The following ZCCHC7 variants were observed in gnomAD, a reference collection of about 807,000 sequenced individuals.
The protein encoded by ZCCHC7 is zinc finger CCHC-type containing 7, also known as zinc finger CCHC domain-containing protein 7.
A neutral mutation model predicts 52.0 loss-of-function variants in ZCCHC7; 35 were observed. The ratio of observed to expected loss-of-function variants is 0.67; its 90% CI spans 0.51 to 0.89. ZCCHC7 has a LOEUF of 0.89. Among genes scored for constraint, ZCCHC7 ranks in the 40% least tolerant of loss-of-function variants. The pLI, the probability that ZCCHC7 is intolerant of heterozygous loss-of-function variation, is 0.00. For synonymous variants in ZCCHC7, 217 were observed against 221.5 expected (o/e 0.98, Z 0.18); for missense variants, 574 against 649.1 (o/e 0.88, Z 1.26).
chr9:37,265,155 A>C (rs1304589737), intron 2 of ZCCHC7, among the ~76,000 whole-genome samples: 1 of 152,228 alleles, frequency 6.6e-6, no homozygotes, highest in East Asian at 1.9e-4. Context: ...ATCTTTCAGC[A>C]GACAGGATCA....
chr9:37,287,712 T>C (rs1402039429), intron 2 of ZCCHC7, among the ~76,000 whole-genome samples: 2 of 152,202 alleles, frequency 1.3e-5, no homozygotes, highest in African/African-American at 2.4e-5. Context: ...TTGCATTTTA[T>C]GTAGCTAGTC....
intron 2 of ZCCHC7, among the ~76,000 whole-genome samples, chr9:37,217,786 G>A (rs185075662): frequency 3.5e-4 from 54 of 152,248 alleles, no homozygotes; most frequent in African/African-American, 1.3e-3. Context: ...TAGAGAAAAT[G>A]TCAGAGATTG....
intron 2 of ZCCHC7, among the ~76,000 whole-genome samples, chr9:37,162,356 A>C (rs1821153170): frequency 6.6e-6 from 1 of 152,154 alleles, no homozygotes; most frequent in African/African-American, 2.4e-5. Context: ...AAATCTCCAG[A>C]AGTCCCTCAT....
chr9:37,203,765 CAT>C (rs994956948), intron 2 of ZCCHC7, among the ~76,000 whole-genome samples: 5 of 152,100 alleles, frequency 3.3e-5, no homozygotes, highest in African/African-American at 9.7e-5. Flanking sequence ...TTGCAGTAAA[CAT>C]ATGTGTGCCT....
chr9:37,140,118 A>G (rs1366091589), intron 2 of ZCCHC7, among the ~76,000 whole-genome samples: 2 of 151,986 alleles, frequency 1.3e-5, no homozygotes, highest in African/African-American at 4.8e-5. Flanking sequence ...TGCAACCACA[A>G]TCAATCCTGT....
intron 1 of ZCCHC7, among the ~76,000 whole-genome samples, chr9:37,123,756 T>C (rs1052911233): frequency 6.6e-6 from 1 of 152,242 alleles, no homozygotes; most frequent in East Asian, 1.9e-4. Context: ...TGACTTCTTT[T>C]AGAATTAATT....
At chr9:37,170,149 C>T (rs749958753) in intron 2 of ZCCHC7, among the ~76,000 whole-genome samples, 14 of 151,976 alleles carry the variant, frequency 9.2e-5, no homozygotes, top group Admixed American at 3.3e-4. Flanking sequence ...AGTGTCCTTA[C>T]TTTTAAAATA....
rs183046470 is a variant in ZCCHC7 at position 37,158,672 on chromosome 9, T to A, written c.610+31730T>A. Among the ~76,000 whole-genome samples, 99 of 152,252 alleles carry A rather than the reference T, an allele frequency of 6.5e-4. 2 individuals are homozygous for A. Among genetic ancestry groups the A allele is most frequent in the Admixed American group, 6.1e-3 (94 of 15,300 alleles). On this transcript the variant is annotated intron_variant, in intron 2 of 8. Transcript: ENST00000336755. ...TCTCTGGTGGATTGACTTTTTTTTT[T>A]AACAAAGATATGTGTATTATATATA...
intron 5 of ZCCHC7, among the ~76,000 whole-genome samples, chr9:37,308,558 A>G (rs1041333901): frequency 6.6e-6 from 1 of 152,166 alleles, no homozygotes; most frequent in African/African-American, 2.4e-5. Context: ...GGCCTCTAAT[A>G]TATGTTAAAT....
At chr9:37,334,164 A>T (rs940824071) in intron 6 of ZCCHC7, among the ~76,000 whole-genome samples, 1 of 151,968 alleles carries the variant, frequency 6.6e-6, no homozygotes, top group Admixed American at 6.6e-5. Context: ...ATTATTTCGC[A>T]TATGTGCTTT....
chr9:37,166,535 A>G (rs1032573612), intron 2 of ZCCHC7, among the ~76,000 whole-genome samples: 2 of 149,448 alleles, frequency 1.3e-5, no homozygotes, highest in Non-Finnish European at 3.0e-5. Context: ...ATTTTTCTCT[A>G]TTTTTTTTTA....
chr9:37,186,838 T>C, intron 2 of ZCCHC7: 1 of 381,548 alleles, frequency 2.6e-6, no homozygotes. Context: ...TGTTTCTGTG[T>C]ATCTGAATTT....
chr9:37,264,409 A>G (rs1827004455), intron 2 of ZCCHC7, among the ~76,000 whole-genome samples: 1 of 152,174 alleles, frequency 6.6e-6, no homozygotes, highest in Non-Finnish European at 1.5e-5. Context: ...TAATCAACCA[A>G]TTACATTAAT....
chr9:37,143,452 A>G (rs957592638), intron 2 of ZCCHC7, among the ~76,000 whole-genome samples: 1 of 150,708 alleles, frequency 6.6e-6, no homozygotes, highest in Non-Finnish European at 1.5e-5. Flanking sequence ...AATATTTTGT[A>G]ATTCTCATAT....
intron 2 of ZCCHC7, among the ~76,000 whole-genome samples, chr9:37,135,061 CTT>C (rs763046411): frequency 8.5e-5 from 13 of 152,136 alleles, no homozygotes; most frequent in Admixed American, 2.0e-4. Flanking sequence ...ACTATCTACT[CTT>C]TTCTCTAACC....
chr9:37,331,308 T>C (rs370215492), intron 6 of ZCCHC7, among the ~76,000 whole-genome samples: 2 of 151,634 alleles, frequency 1.3e-5, no homozygotes, highest in East Asian at 3.9e-4. Context: ...TTTGTCAGGG[T>C]ATATCTTATA....
chr9:37,160,244 T>A (rs1821021605), intron 2 of ZCCHC7: 1 of 152,270 alleles, frequency 6.6e-6, no homozygotes, highest in Non-Finnish European at 1.5e-5. Flanking sequence ...TTAAAAAGGC[T>A]CATGCCTGTA....
chr9:37,267,410 A>G (rs1588578008), intron 2 of ZCCHC7, among the ~76,000 whole-genome samples: 1 of 151,960 alleles, frequency 6.6e-6, no homozygotes. Flanking sequence ...GGGGGGAGAC[A>G]GGGGAGAAGA....
chr9:37,157,583 A>G (rs1010516985), intron 2 of ZCCHC7, among the ~76,000 whole-genome samples: 3 of 152,256 alleles, frequency 2.0e-5, no homozygotes, highest in Non-Finnish European at 4.4e-5. Context: ...TAAGGAACTC[A>G]TAATACATAT....
Sources: allele counts gnomAD v4.1 joint callset (sites outside exome capture counted in the v4.1 genomes callset), GRCh38; gene constraint gnomAD v4.1.1; transcripts MANE v1.5; gene names NCBI Gene and HGNC (gene_info 2026-07-23, HGNC 2026-07-21).